The following EPB41 variants were observed in gnomAD, a reference collection of about 807,000 sequenced individuals.
EPB41 encodes protein 4.1.
Under a neutral mutation model 108.0 loss-of-function variants are expected in EPB41, and 65 were observed. That is an observed-to-expected ratio of 0.60 (90% CI 0.49 to 0.74). The LOEUF (loss-of-function observed/expected upper bound fraction) is 0.74, where lower values mean the gene tolerates loss of function less well. EPB41 is among the 30% of genes least tolerant of loss of function. The pLI is 0.00. For missense variants in EPB41, 875 were observed against 1,037.0 expected (o/e 0.84, Z 2.15); for synonymous variants, 336 against 358.9 (o/e 0.94, Z 0.72).
chr1:29,116,431 G>C (rs1050980705), intron 20 of EPB41, among the ~76,000 whole-genome samples: 1 of 152,128 alleles, frequency 6.6e-6, no homozygotes, highest in African/African-American at 2.4e-5. Flanking sequence ...TGGGATTACA[G>C]GCATGAGCCA....
At position 28,987,814 on chromosome 1, in the gene EPB41, T is replaced by A. The variant is rs371403877; in HGVS notation, c.377T>A (p.Ile126Asn). 30 of 1,614,020 alleles carry A rather than the reference T, an allele frequency of 1.9e-5. No homozygotes were observed. The highest frequency in any genetic ancestry group is 1.7e-4 in the African/African-American group (13 of 74,884). ...TTTGGAACCAGTCTTGATGAAGAGATCATTTTAAAGGCCCCAATTGCAGCT... is the reference window on the plus strand; with the variant it reads ...TTTGGAACCAGTCTTGATGAAGAGAACATTTTAAAGGCCCCAATTGCAGCT... The part of the protein sequence containing the change: ...IEFGTSLDEE[I>N]ILKAPIAAPE... Residue 126 changes from isoleucine (I) to asparagine (N), a missense_variant, in exon 2 of 21, where the codon ATC becomes AAC. Coordinates refer to ENST00000343067, the MANE Select transcript of EPB41 (RefSeq NM_001376013.1).
intron 1 of EPB41, among the ~76,000 whole-genome samples, chr1:28,904,067 A>G (rs953704377): frequency 2.6e-5 from 4 of 150,968 alleles, no homozygotes; most frequent in Admixed American, 1.3e-4. Flanking sequence ...GGGTTTCACC[A>G]TCTTGGCCAG....
At chr1:28,922,626 AT>A (rs11353802) in intron 1 of EPB41, among the ~76,000 whole-genome samples, 96,838 of 127,106 alleles carry the variant, frequency 0.76, 36,889 homozygotes, top group East Asian at 0.91. Context: ...TAGAGACAGG[AT>A]TTTTTTTTTT....
intron 1 of EPB41, among the ~76,000 whole-genome samples, chr1:28,894,530 C>T (rs2090461428): frequency 6.6e-5 from 10 of 152,104 alleles, no homozygotes; most frequent in Admixed American, 6.6e-4. Context: ...TCAATCAGCA[C>T]AGAGAGGGGC....
chr1:29,115,914 C>T lies in EPB41; in HGVS notation c.*6+111C>T. 1 of 817,478 alleles carries T rather than the reference C, an allele frequency of 1.2e-6. No homozygotes were observed. The allele number at this position is 817,478 out of a possible 1,614,324, so 50.6% of individuals were successfully genotyped here. A position where few individuals can be genotyped will look rare whatever the true frequency, so the allele number is the denominator to read the frequency against. ...CCCATCCCCACAAAGAGGTGTTCAC[C>T]CTGGGACTTGATAAAGGCAGACGAG... On this transcript the variant is annotated intron_variant, in intron 20 of 20. Coordinates refer to ENST00000343067, the MANE Select transcript of EPB41 (RefSeq NM_001376013.1). The surrounding 1 kb of genome is among the most constrained non-coding windows in gnomAD (Gnocchi z 4.4).
intron 9 of EPB41, among the ~76,000 whole-genome samples, chr1:29,034,097 T>TA (rs1211207399): frequency 1.3e-5 from 2 of 152,184 alleles, no homozygotes; most frequent in Non-Finnish European, 2.9e-5. Context: ...TGTGGAGCCT[T>TA]AAAAATCTTG....
chr1:28,956,218 T>C (rs2094943620), intron 1 of EPB41, among the ~76,000 whole-genome samples: 1 of 152,240 alleles, frequency 6.6e-6, no homozygotes. Context: ...TGTGTGTGTA[T>C]ACATGTCATT....
chr1:28,979,066 A>T (rs2095672509), intron 1 of EPB41, among the ~76,000 whole-genome samples: 1 of 151,464 alleles, frequency 6.6e-6, no homozygotes, highest in Non-Finnish European at 1.5e-5. Context: ...CCTGACTAAT[A>T]CAGATTTGAT....
chr1:28,939,823 C>T (rs188829414), intron 1 of EPB41, among the ~76,000 whole-genome samples: 1 of 152,310 alleles, frequency 6.6e-6, no homozygotes, highest in Non-Finnish European at 1.5e-5. Flanking sequence ...TATTGCTACA[C>T]AATCACCTCA....
rs370766161 is a variant in EPB41, at chr1:29,011,102, C to T, written c.787-763C>T. On this transcript the variant is annotated intron_variant, in intron 4 of 20. Transcript: ENST00000343067. ...TTGCGCCATTGCTCTCCAGCCTGGG[C>T]GACAAGAGTGAAACTCTGTCAAAAA... Among the ~76,000 whole-genome samples the T allele has an allele frequency of 4.0e-4, 49 of 123,636 alleles. 1 individual carries two copies. Among genetic ancestry groups the T allele is most frequent in the African/African-American group, 1.4e-3 (44 of 32,106 alleles). 81.1% of individuals were successfully genotyped at this position (123,636 alleles called of 152,430 possible).
rs183757624 is a variant in EPB41, at chr1:29,068,818, A to G, written c.2184+3660A>G. 6 of 1,229,980 alleles carry G rather than the reference A, an allele frequency of 4.9e-6. No individual in the cohort carries two copies. In the African/African-American group the frequency reaches 7.8e-5, roughly 16 times the overall value. 76.2% of individuals were successfully genotyped at this position (1,229,980 alleles called of 1,614,324 possible). On this transcript the variant is annotated intron_variant, in intron 16 of 20. Coordinates refer to ENST00000343067, the MANE Select transcript of EPB41 (RefSeq NM_001376013.1). ...CTGTTATGACTTGTGCTTCTCAATC[A>G]GAATTTGCTCTTGTCATGGCACTAA...
chr1:28,992,616 G>T (rs2096055707), intron 2 of EPB41, among the ~76,000 whole-genome samples: 1 of 152,180 alleles, frequency 6.6e-6, no homozygotes, highest in African/African-American at 2.4e-5. Flanking sequence ...TTGAACCCTG[G>T]AGGCGGAGCT....
At chr1:29,078,032 G>A (rs1005619346) in intron 16 of EPB41, among the ~76,000 whole-genome samples, 1 of 152,086 alleles carries the variant, frequency 6.6e-6, no homozygotes, top group Admixed American at 6.6e-5. Flanking sequence ...TTTGAGACCA[G>A]TTTAGCCAAC....
At chr1:29,084,875 A>G (rs908595705) in intron 16 of EPB41, among the ~76,000 whole-genome samples, 2 of 152,150 alleles carry the variant, frequency 1.3e-5, no homozygotes, top group Non-Finnish European at 2.9e-5. Flanking sequence ...TATAATGAGG[A>G]CCTGTTTGAG....
At chr1:29,026,784 G>C (rs1416663066) in intron 7 of EPB41, among the ~76,000 whole-genome samples, 1 of 152,058 alleles carries the variant, frequency 6.6e-6, no homozygotes, top group Non-Finnish European at 1.5e-5. Flanking sequence ...TCCAGTCTGG[G>C]TGACAGAGCA....
chr1:29,060,033 AAAT>A (rs1646237538), intron 14 of EPB41, among the ~76,000 whole-genome samples: 1 of 152,184 alleles, frequency 6.6e-6, no homozygotes, highest in South Asian at 2.1e-4. Context: ...CCCAAAAGCT[AAAT>A]AATGTTTTTA....
chr1:28,962,828 G>T (rs2095258249), intron 1 of EPB41, among the ~76,000 whole-genome samples: 1 of 152,264 alleles, frequency 6.6e-6, no homozygotes, highest in South Asian at 2.1e-4. Context: ...ATGGCTCGCA[G>T]TATGTGTTGA....
intron 17 of EPB41, among the ~76,000 whole-genome samples, chr1:29,102,136 A>C (rs1033196157): frequency 6.6e-6 from 1 of 152,242 alleles, no homozygotes; most frequent in Non-Finnish European, 1.5e-5. Flanking sequence ...ATAGGAAATA[A>C]TTACTTCATA....
intron 16 of EPB41, among the ~76,000 whole-genome samples, chr1:29,085,799 G>T (rs542576236): frequency 6.6e-6 from 1 of 152,064 alleles, no homozygotes; most frequent in Non-Finnish European, 1.5e-5. Flanking sequence ...CAATCTGCCC[G>T]CCTCGTCCTC....
Sources: allele counts gnomAD v4.1 joint callset (sites outside exome capture counted in the v4.1 genomes callset), GRCh38; gene constraint gnomAD v4.1.1; non-coding constraint Gnocchi (gnomAD v3.1); transcripts MANE v1.5; gene names NCBI Gene and HGNC (gene_info 2026-07-23, HGNC 2026-07-21).